The following TBC1D32 variants were observed in gnomAD, a reference collection of about 807,000 sequenced individuals.
TBC1D32 encodes protein broad-minded.
TBC1D32 carries 151 observed loss-of-function variants against 170.3 expected under a neutral mutation model. That is an observed-to-expected ratio of 0.89 (90% confidence interval 0.78 to 1.01). TBC1D32 has a LOEUF of 1.01. Ranked by LOEUF, TBC1D32 falls within the 50% of genes least tolerant of loss-of-function variation. The pLI, the probability that TBC1D32 is intolerant of heterozygous loss-of-function variation, is 0.00. For missense variants in TBC1D32, 1,464 were observed against 1,457.1 expected (o/e 1.00, Z -0.08); for synonymous variants, 498 against 488.0 (o/e 1.02, Z -0.27).
intron 21 of TBC1D32, among the ~76,000 whole-genome samples, chr6:121,221,055 G>A (rs117400323): frequency 1.3e-3 from 197 of 152,228 alleles, no homozygotes; most frequent in Non-Finnish European, 1.9e-3. Context: ...AAAGACAGGC[G>A]AACTCTCTTC....
At chr6:121,258,081 G>A (rs1413349625) in intron 15 of TBC1D32, among the ~76,000 whole-genome samples, 1 of 137,886 alleles carries the variant, frequency 7.3e-6, no homozygotes, top group Non-Finnish European at 1.6e-5. Context: ...TGAAGATTTA[G>A]GTTTCTTATT....
chr6:121,150,504 A>C (rs1784074010), intron 24 of TBC1D32, among the ~76,000 whole-genome samples: 1 of 152,274 alleles, frequency 6.6e-6, no homozygotes, highest in South Asian at 2.1e-4. Context: ...TATCAGGATG[A>C]TGCTGGCCTC....
chr6:121,211,151 G>A (rs1023264709), intron 21 of TBC1D32, among the ~76,000 whole-genome samples: 3 of 152,082 alleles, frequency 2.0e-5, no homozygotes, highest in Admixed American at 1.3e-4. Context: ...ACTGTGGGCG[G>A]GGCGGAGGGA....
At chr6:121,266,253 T>G (rs1563147254) in intron 15 of TBC1D32, among the ~76,000 whole-genome samples, 1 of 151,576 alleles carries the variant, frequency 6.6e-6, no homozygotes, top group East Asian at 1.9e-4. Context: ...CATCAAAAAG[T>G]AGACATGAAT....
At chr6:121,316,675 C>G (rs1038785752) in intron 3 of TBC1D32, among the ~76,000 whole-genome samples, 1 of 152,134 alleles carries the variant, frequency 6.6e-6, no homozygotes, top group Non-Finnish European at 1.5e-5. Flanking sequence ...TTTCCAAAAC[C>G]AATTTTCCTT....
chr6:121,306,448 G>A (rs1164867895), intron 5 of TBC1D32, among the ~76,000 whole-genome samples: 1 of 152,116 alleles, frequency 6.6e-6, no homozygotes, highest in East Asian at 1.9e-4. Flanking sequence ...TGTGTTCCCA[G>A]TGTCTAAACG....
intron 29 of TBC1D32, 134 bp downstream of exon 29, chr6:121,112,371 C>G (rs1359425789): frequency 2.6e-6 from 2 of 773,682 alleles, no homozygotes; most frequent in African/African-American, 3.6e-5. Flanking sequence ...GAGAATTAGT[C>G]AAAAAACATT....
intron 10 of TBC1D32, among the ~76,000 whole-genome samples, chr6:121,299,098 T>C (rs1806078332): frequency 6.6e-6 from 1 of 152,076 alleles, no homozygotes; most frequent in Non-Finnish European, 1.5e-5. Context: ...CTGAAAAACA[T>C]GGGTCTATAT....
At chr6:121,158,930 C>A (rs1472547810) in intron 24 of TBC1D32, among the ~76,000 whole-genome samples, 1 of 152,058 alleles carries the variant, frequency 6.6e-6, no homozygotes, top group Non-Finnish European at 1.5e-5. Flanking sequence ...CTCCACTGGT[C>A]TTATGGCTGG....
rs914849667 is a variant in TBC1D32 at position 121,185,795 on chromosome 6, TA to T, written c.2570+19279del. ...TCTGACCAAGAAACTAGTTTAACAA[TA>T]AAAAAAAGTAAGGCACTGAGCAAAT... On this transcript the variant is annotated intron_variant, in intron 22 of 31. Coordinates refer to ENST00000398212, the MANE Select transcript of TBC1D32 (RefSeq NM_152730.6). Among the ~76,000 whole-genome samples the T allele has an allele frequency of 9.9e-5, 15 of 151,838 alleles. No individual in the cohort carries two copies. The East Asian group carries it at 1.2e-3, about 12-fold the overall frequency.
At chr6:121,116,212 A>T (rs1779663695) in intron 26 of TBC1D32, among the ~76,000 whole-genome samples, 1 of 151,242 alleles carries the variant, frequency 6.6e-6, no homozygotes. Context: ...TGTTTCTCAT[A>T]CTATCAGTAT....
At chr6:121,301,132 C>T (rs149174406) in intron 9 of TBC1D32, among the ~76,000 whole-genome samples, 4,946 of 152,170 alleles carry the variant, frequency 0.033, 113 homozygotes, top group Non-Finnish European at 0.046. Flanking sequence ...GGCAGTGTGG[C>T]GATTCCTCAA....
At chr6:121,257,730 T>A (rs76354636) in intron 15 of TBC1D32, among the ~76,000 whole-genome samples, 5,396 of 152,266 alleles carry the variant, frequency 0.035, 266 homozygotes, top group African/African-American at 0.1. Flanking sequence ...ATGTTTTTTT[T>A]TATATACTTT....
intron 24 of TBC1D32, among the ~76,000 whole-genome samples, chr6:121,137,623 T>C (rs374503799): frequency 6.6e-6 from 1 of 152,062 alleles, no homozygotes; most frequent in African/African-American, 2.4e-5. Flanking sequence ...TTCTTTGTTA[T>C]GGTAAGCATT....
At chr6:121,302,520 G>A (rs955436367) in intron 9 of TBC1D32, among the ~76,000 whole-genome samples, 3 of 151,874 alleles carry the variant, frequency 2.0e-5, no homozygotes, top group Admixed American at 6.6e-5. Context: ...TACAAAGTTA[G>A]TAAAATATGA....
intron 1 of TBC1D32, among the ~76,000 whole-genome samples, chr6:121,330,488 C>T (rs1811070401): frequency 6.6e-6 from 1 of 152,116 alleles, no homozygotes; most frequent in Admixed American, 6.6e-5. Flanking sequence ...AGTGAGAAGG[C>T]TATAACGATG....
In TBC1D32 at chr6:121,264,146, A is replaced by G. The variant is rs552127875; in HGVS notation, c.1734-7861T>C. Among the ~76,000 whole-genome samples the G allele has an allele frequency of 3.5e-4, 53 of 152,254 alleles. 1 individual carries two copies. Among genetic ancestry groups the G allele is most frequent in the South Asian group, 1.7e-3 (8 of 4,822 alleles). On this transcript the variant is annotated intron_variant, in intron 15 of 31. Transcript: ENST00000398212. Reference sequence around the variant, plus strand: ...TTCAGAAAAAATCAATGAATCCAGGAGCTGTTTTCTTGAAAAAATAAAATA... The same window carrying G: ...TTCAGAAAAAATCAATGAATCCAGGGGCTGTTTTCTTGAAAAAATAAAATA...
At chr6:121,136,140 TAA>T (rs1782045728) in intron 24 of TBC1D32, among the ~76,000 whole-genome samples, 1 of 152,238 alleles carries the variant, frequency 6.6e-6, no homozygotes, top group East Asian at 1.9e-4. Context: ...ATCAAGGACA[TAA>T]GAGCAATTAT....
intron 13 of TBC1D32, 33 bp downstream of exon 13, chr6:121,283,785 A>G (rs1342798500): frequency 6.8e-7 from 1 of 1,464,856 alleles, no homozygotes; most frequent in South Asian, 1.2e-5. Flanking sequence ...TAGATGTTTT[A>G]TATTTCTCTA....
Sources: allele counts gnomAD v4.1 joint callset (sites outside exome capture counted in the v4.1 genomes callset), GRCh38; gene constraint gnomAD v4.1.1; transcripts MANE v1.5; gene names NCBI Gene and HGNC (gene_info 2026-07-23, HGNC 2026-07-21).